Variants in KIZ observed in about 807,000 individuals in gnomAD.
KIZ encodes kizuna centrosomal protein.
In KIZ, 68 loss-of-function variants were observed where a neutral mutation model predicts 79.6. The observed-to-expected ratio is 0.85, with a 90% CI of 0.70 to 1.05. KIZ has a LOEUF of 1.05. KIZ is among the 50% of genes least tolerant of loss of function. The probability of loss-of-function intolerance (pLI) is 0.00; values close to 1 mark genes in which losing one functional copy is unlikely to be tolerated. For synonymous variants in KIZ, 280 were observed against 281.8 expected (o/e 0.99, Z 0.06); for missense variants, 797 against 800.4 (o/e 1.00, Z 0.05).
In KIZ at chr20:21,141,333, A is replaced by G. The variant is rs567610189; in HGVS notation, c.316-4232A>G. ...AGGGCACTGGGTGTATTATTAAGCT[A>G]GCTACCATAGTCAGCCTGGCGCCAA... On this transcript the variant is annotated intron_variant, in intron 3 of 12. Coordinates refer to ENST00000619189, the MANE Select transcript of KIZ (RefSeq NM_018474.6). 9.2e-5 allele frequency among the ~76,000 whole-genome samples: 14 copies of G among 152,260 alleles called. No homozygotes were observed. The South Asian group carries it at 1.9e-3, about 20-fold the overall frequency.
chr20:21,204,778 A>AT (rs2035746967), intron 6 of KIZ, among the ~76,000 whole-genome samples: 1 of 152,168 alleles, frequency 6.6e-6, no homozygotes, highest in Admixed American at 6.5e-5. Flanking sequence ...ATATAGGCTT[A>AT]TTTTTTAACT....
rs777204712 is a variant in KIZ, at chr20:21,214,621, A to G, written c.1533A>G (p.Pro511=). The G allele has an allele frequency of 6.8e-6, 11 of 1,612,554 alleles. No homozygotes were observed. The highest frequency in any genetic ancestry group is 2.2e-5 in the East Asian group (1 of 44,870). ...GTAGTGAATCATCTTGCAGCTTGCC[A>G]TCTATTCTGAATGACAATAGTGGAA... is the stretch of plus-strand genomic sequence containing the variant. The part of the protein sequence containing the change: ...IHSSESSCSL[P]SILNDNSGIK... Residue 511 remains proline (P), a synonymous_variant, in exon 8 of 13, where the codon CCA becomes CCG. Transcript: ENST00000619189.
intron 6 of KIZ, among the ~76,000 whole-genome samples, chr20:21,169,247 C>A (rs940798004): frequency 1.8e-4 from 28 of 151,586 alleles, no homozygotes; most frequent in East Asian, 3.9e-4. Flanking sequence ...GAAAAAAAAA[C>A]CCCATCAAAA....
chr20:21,161,352 C>CT lies in KIZ; in HGVS notation c.406-511dup, dbSNP rs1382088611. Among the ~76,000 whole-genome samples, 4 of 152,044 alleles carry CT rather than the reference C, an allele frequency of 2.6e-5. No homozygotes were observed. In the East Asian group the frequency reaches 7.7e-4, roughly 29 times the overall value. The stretch of plus-strand genomic sequence containing the variant: ...TTTTCAAAAACATATTCTATACTTT[C>CT]TTTTTTTTGAGATGGAGTCTCCAGG... On this transcript the variant is annotated intron_variant, in intron 4 of 12. Transcript: ENST00000619189.
At chr20:21,192,409 T>C (rs1388445107) in intron 6 of KIZ, among the ~76,000 whole-genome samples, 1 of 151,668 alleles carries the variant, frequency 6.6e-6, no homozygotes, top group African/African-American at 2.4e-5. Flanking sequence ...CTCACCCTTC[T>C]GAGTAGCTGG....
intron 9 of KIZ, among the ~76,000 whole-genome samples, chr20:21,225,288 C>T (rs930403934): frequency 4.6e-5 from 7 of 152,182 alleles, no homozygotes; most frequent in South Asian, 2.1e-4. Flanking sequence ...CTTGAGCATG[C>T]GTGTGTGTTT....
At chr20:21,127,019 A>G (rs1250262633) in intron 1 of KIZ, among the ~76,000 whole-genome samples, 2 of 152,242 alleles carry the variant, frequency 1.3e-5, no homozygotes, top group Admixed American at 1.3e-4. Flanking sequence ...TAAAAGTTAC[A>G]AAATCATTCT....
At chr20:21,132,305 C>T in intron 2 of KIZ, 146 bp downstream of exon 2, 2 of 550,856 alleles carry the variant, frequency 3.6e-6, no homozygotes, top group South Asian at 2.5e-5. Flanking sequence ...TGGAGTCTTG[C>T]TCTTTCGCTC....
chr20:21,218,959 A>G (rs927358654), intron 9 of KIZ, among the ~76,000 whole-genome samples: 1 of 152,216 alleles, frequency 6.6e-6, no homozygotes, highest in African/African-American at 2.4e-5. Context: ...CAGAAGTGCT[A>G]TTCTTCAGTG....
chr20:21,191,200 C>T (rs1217691866), intron 6 of KIZ, among the ~76,000 whole-genome samples: 1 of 152,202 alleles, frequency 6.6e-6, no homozygotes, highest in Non-Finnish European at 1.5e-5. Flanking sequence ...CCATCTCATG[C>T]ATAGTGTTAG....
At chr20:21,234,639 T>C (rs1006222366) in intron 11 of KIZ, among the ~76,000 whole-genome samples, 1 of 151,998 alleles carries the variant, frequency 6.6e-6, no homozygotes, top group Non-Finnish European at 1.5e-5. Flanking sequence ...ACAAGTGGTC[T>C]CGAAACCCGG....
intron 6 of KIZ, among the ~76,000 whole-genome samples, chr20:21,191,847 G>GAA (rs766655150): frequency 7.6e-5 from 10 of 131,150 alleles, no homozygotes; most frequent in African/African-American, 2.5e-4. Flanking sequence ...TTAAAAGAAA[G>GAA]AAAAAAAAAA....
chr20:21,226,748 G>T (rs997628659), intron 9 of KIZ, among the ~76,000 whole-genome samples: 1 of 152,214 alleles, frequency 6.6e-6, no homozygotes, highest in African/African-American at 2.4e-5. Flanking sequence ...GGGGGTGAGT[G>T]ATGTGCCCAG....
At chr20:21,175,535 A>G (rs968495933) in intron 6 of KIZ, among the ~76,000 whole-genome samples, 1 of 152,174 alleles carries the variant, frequency 6.6e-6, no homozygotes, top group African/African-American at 2.4e-5. Context: ...CAGGAGTTAG[A>G]TAGGAACTGA....
At chr20:21,215,529 GATCTATTCCTTAACTTTGA>G in intron 8 of KIZ, 35 bp from the exon 9 acceptor site, 1 of 1,044,206 alleles carries the variant, frequency 9.6e-7, no homozygotes, top group South Asian at 1.5e-5. Context: ...ACACCCAAAG[GATCTATTCCTTAACTTTGA>G]AATACTTTTT....
chr20:21,161,027 C>T (rs188019107), intron 4 of KIZ: 3 of 152,306 alleles, frequency 2.0e-5, no homozygotes, highest in African/African-American at 7.2e-5. Context: ...AGACAGCCAT[C>T]ATAGTGGGTA....
rs2033686586 is a variant in KIZ, at chr20:21,162,014, A to G, written c.549A>G (p.Thr183=). The change falls in exon 5 of 13, where the codon ACA becomes ACG. Residue 183 remains threonine, a synonymous_variant. Transcript: ENST00000619189. ...FSTEHKSPQP[T]KNFSIPDPHS... is the part of the protein sequence containing the mutation. ...CAGAGCACAAATCTCCCCAGCCCAC[A>G]AAGAACTTTTCAATTCCTGACCCAC... 6.2e-7 allele frequency: 1 copy of G among 1,613,994 alleles called. No homozygotes were observed.
intron 6 of KIZ, among the ~76,000 whole-genome samples, chr20:21,186,100 T>A (rs1235812380): frequency 6.6e-6 from 1 of 152,196 alleles, no homozygotes; most frequent in Non-Finnish European, 1.5e-5. Flanking sequence ...TTGATTTTTA[T>A]ATTGTGTACA....
At chr20:21,163,860 GA>G (rs558753425) in intron 6 of KIZ, among the ~76,000 whole-genome samples, 1,884 of 152,342 alleles carry the variant, frequency 0.012, 13 homozygotes, top group Middle Eastern at 0.024. Flanking sequence ...CTACTATGTA[GA>G]AAACTTGTTA....
Sources: gnomAD v4.1 joint callset for allele counts (sites outside exome capture counted in the v4.1 genomes callset) on GRCh38, gnomAD v4.1.1 for gene constraint, MANE v1.5 for transcripts, NCBI Gene and HGNC (gene_info 2026-07-23, HGNC 2026-07-21) for gene names.